Variants in ICA1L observed in about 807,000 individuals in gnomAD.
The protein encoded by ICA1L is islet cell autoantigen 1-like protein.
Under a neutral mutation model 61.3 loss-of-function variants are expected in ICA1L, and 50 were observed. The observed-to-expected ratio is 0.82, with a 90% CI of 0.65 to 1.03. ICA1L has a LOEUF of 1.03. Among genes scored for constraint, ICA1L ranks in the 50% least tolerant of loss-of-function variants. The pLI is 0.00. For missense variants in ICA1L, 508 were observed against 556.7 expected, an observed-to-expected ratio of 0.91 and a Z score of 0.88; for synonymous variants, 161 against 191.3, an observed-to-expected ratio of 0.84 and a Z score of 1.31.
Position 202,819,822 on chromosome 2 carries a change from A to G in ICA1L, c.437T>C (p.Leu146Ser), listed in dbSNP as rs769620428. Residue 146 changes from leucine to serine, a missense_variant, in exon 5 of 13, where the codon TTG (leucine) becomes TCG (serine). Coordinates refer to ENST00000358299, the MANE Select transcript of ICA1L (RefSeq NM_001288622.3). Reference protein sequence around the residue: ...TFSQRAVSDTLMTINRMEQAR... With the variant: ...TFSQRAVSDTSMTINRMEQAR... ...CTGCTCCATCCGATTAATTGTCATC[A>G]AGGTATCAGATACTGCCCTTTGACT... 4.1e-5 allele frequency: 66 copies of G among 1,613,984 alleles called. No homozygotes were observed. In the South Asian group the frequency reaches 6.4e-4, roughly 16 times the overall value.
At chr2:202,785,233 AAAAAG>A (rs1228445461) in intron 12 of ICA1L, among the ~76,000 whole-genome samples, 2 of 151,794 alleles carry the variant, frequency 1.3e-5, no homozygotes, top group East Asian at 1.9e-4. Flanking sequence ...AAAAAAAAAA[AAAAAG>A]AAAAGAAAAA....
chr2:202,801,394 G>A (rs929660146), intron 9 of ICA1L, among the ~76,000 whole-genome samples: 1 of 152,162 alleles, frequency 6.6e-6, no homozygotes, highest in African/African-American at 2.4e-5. Flanking sequence ...AGTGAGAAAG[G>A]TCTAGCTCAA....
intron 1 of ICA1L, among the ~76,000 whole-genome samples, chr2:202,831,855 A>G (rs954663830): frequency 6.6e-6 from 1 of 152,174 alleles, no homozygotes; most frequent in African/African-American, 2.4e-5. Flanking sequence ...TTAGGCAGGA[A>G]GCCAAGTCTT....
intron 10 of ICA1L, among the ~76,000 whole-genome samples, chr2:202,795,604 AG>A (rs1692901537): frequency 6.6e-6 from 1 of 152,064 alleles, no homozygotes; most frequent in Non-Finnish European, 1.5e-5. Context: ...TCAAAAAAAA[AG>A]AAAAAAAACA....
At chr2:202,826,399 A>C (rs373195578) in intron 2 of ICA1L, among the ~76,000 whole-genome samples, 1 of 152,198 alleles carries the variant, frequency 6.6e-6, no homozygotes, top group Non-Finnish European at 1.5e-5. Context: ...TATATACATG[A>C]CATAACTCTT....
Position 202,773,746 on chromosome 2 carries a change from C to A in ICA1L, c.*5787G>T. The A allele has an allele frequency of 7.6e-7, 1 of 1,310,234 alleles. No individual in the cohort carries two copies. The highest frequency in any genetic ancestry group is 1.1e-6 in the Non-Finnish European group (1 of 907,624). 81.2% of individuals were successfully genotyped at this position (1,310,234 alleles called of 1,614,324 possible). A position where few individuals can be genotyped will look rare whatever the true frequency, so the allele number is the denominator to read the frequency against. On this transcript the variant is annotated 3_prime_UTR_variant, in exon 13 of 13. Transcript: ENST00000358299. ...CAGTTATGCATGAAGAGTTTAATAA[C>A]CATCCAGGTCCAAAGGTGGAAGAAT...
chr2:202,862,418 A>AC (rs1295632767), intron 1 of ICA1L, among the ~76,000 whole-genome samples: 2 of 151,658 alleles, frequency 1.3e-5, no homozygotes, highest in Non-Finnish European at 2.9e-5. Flanking sequence ...TGATCATGCC[A>AC]CCGTGCTCCA....
At chr2:202,865,782 T>C (rs891750550) in intron 1 of ICA1L, among the ~76,000 whole-genome samples, 4 of 152,142 alleles carry the variant, frequency 2.6e-5, no homozygotes, top group African/African-American at 9.7e-5. Flanking sequence ...AGCAAACAAT[T>C]AGGAAGTGAA....
In ICA1L at chr2:202,841,494, CCTT is replaced by C. The variant is rs1694328735; in HGVS notation, c.-7-12481_-7-12479del. 6.5e-6 allele frequency: 5 copies of C among 771,794 alleles called. No individual in the cohort carries two copies. The South Asian group carries it at 6.8e-5, about 10-fold the overall frequency. 47.8% of individuals were successfully genotyped at this position (771,794 alleles called of 1,614,324 possible). A position where few individuals can be genotyped will look rare whatever the true frequency, so the allele number is the denominator to read the frequency against. On this transcript the variant is annotated intron_variant, in intron 1 of 12. Transcript: ENST00000358299. ...AGGAGGCAAATTTGTTGTTGAGGGT[CCTT>C]CTCCTGGGTGCACACGGCCTGGATG...
chr2:202,836,048 T>C (rs1694139186), intron 1 of ICA1L, among the ~76,000 whole-genome samples: 2 of 152,184 alleles, frequency 1.3e-5, no homozygotes, highest in South Asian at 2.1e-4. Flanking sequence ...GGAGTTCCAA[T>C]ACTGTGTTGA....
chr2:202,800,059 T>A (rs1204540967), intron 9 of ICA1L, among the ~76,000 whole-genome samples: 2 of 151,940 alleles, frequency 1.3e-5, no homozygotes, highest in Non-Finnish European at 2.9e-5. Flanking sequence ...TTTTTTGTAT[T>A]TTTAGTAGAG....
chr2:202,802,164 AGTT>A (rs1368645370), intron 9 of ICA1L, among the ~76,000 whole-genome samples: 1 of 152,250 alleles, frequency 6.6e-6, no homozygotes, highest in Non-Finnish European at 1.5e-5. Flanking sequence ...TAAAAAGTAT[AGTT>A]GTTGGGGAAA....
intron 1 of ICA1L, among the ~76,000 whole-genome samples, chr2:202,830,851 G>A (rs1693998132): frequency 6.7e-6 from 1 of 149,342 alleles, no homozygotes; most frequent in Non-Finnish European, 1.5e-5. Flanking sequence ...GAAGATGGAA[G>A]AAGAACAATT....
At chr2:202,839,661 G>A (rs2105870556) in intron 1 of ICA1L, among the ~76,000 whole-genome samples, 1 of 146,460 alleles carries the variant, frequency 6.8e-6, no homozygotes, top group Admixed American at 6.9e-5. Flanking sequence ...CTGCCTTTTG[G>A]TTGAAGAATT....
At chr2:202,864,435 C>G (rs1157119886) in intron 1 of ICA1L, among the ~76,000 whole-genome samples, 2 of 151,902 alleles carry the variant, frequency 1.3e-5, no homozygotes, top group East Asian at 3.9e-4. Context: ...TTAGTAGAGA[C>G]GGGGTTTCAC....
chr2:202,786,796 A>G, intron 11 of ICA1L: 1 of 447,552 alleles, frequency 2.2e-6, no homozygotes. Flanking sequence ...GAACAAGTAG[A>G]AACAATAAGG....
At chr2:202,868,671 T>C (rs536178588) in intron 1 of ICA1L, among the ~76,000 whole-genome samples, 13 of 152,280 alleles carry the variant, frequency 8.5e-5, no homozygotes, top group Admixed American at 4.6e-4. Context: ...CAGAATACTA[T>C]ATAAAACAAT....
chr2:202,820,323 C>T (rs957559614), intron 4 of ICA1L, among the ~76,000 whole-genome samples: 5 of 150,674 alleles, frequency 3.3e-5, no homozygotes, highest in South Asian at 2.1e-4. Flanking sequence ...TGCAGCAAGC[C>T]GAGATGGCGC....
At chr2:202,821,978 C>T (rs1343771329) in intron 3 of ICA1L, among the ~76,000 whole-genome samples, 1 of 152,184 alleles carries the variant, frequency 6.6e-6, no homozygotes, top group African/African-American at 2.4e-5. Flanking sequence ...TCATCTAGTG[C>T]ACTGCTATTC....
Sources: gnomAD v4.1 joint callset for allele counts (sites outside exome capture counted in the v4.1 genomes callset) on GRCh38, gnomAD v4.1.1 for gene constraint, MANE v1.5 for transcripts, NCBI Gene and HGNC (gene_info 2026-07-23, HGNC 2026-07-21) for gene names.